The following UCP3 variants were observed in gnomAD, a reference collection of about 807,000 sequenced individuals.
The protein encoded by UCP3 is uncoupling protein 3.
UCP3 carries 24 observed loss-of-function variants against 28.1 expected under a neutral mutation model. That is an observed-to-expected ratio of 0.85 (90% CI 0.62 to 1.20). The LOEUF (loss-of-function observed/expected upper bound fraction) is 1.20. UCP3 is among the 50% of genes most tolerant of loss of function. The pLI, the probability that UCP3 is intolerant of heterozygous loss-of-function variation, is 0.00. For synonymous variants in UCP3, 184 were observed against 171.2 expected (o/e 1.07, Z -0.59); for missense variants, 397 against 422.2 (o/e 0.94, Z 0.52).
intron 4 of UCP3, 46 bp downstream of exon 4, chr11:74,005,684 G>C (rs1268979807): frequency 6.2e-7 from 1 of 1,608,416 alleles, no homozygotes; most frequent in Non-Finnish European, 8.5e-7. Flanking sequence ...CCTGAGGGGA[G>C]GGAAAGCTCT....
intron 1 of UCP3, 135 bp from the exon 2 acceptor site, chr11:74,007,272 T>C: frequency 1.7e-6 from 1 of 574,256 alleles, no homozygotes; most frequent in Non-Finnish European, 3.1e-6. Flanking sequence ...GAATTTGGCC[T>C]ATAAAAACAG....
rs2135388732 is a variant in UCP3 at position 74,005,863 on chromosome 11, G to A, written c.408C>T (p.Pro136=). 6.2e-7 allele frequency: 1 copy of A among 1,614,196 alleles called. No individual in the cohort carries two copies. Among genetic ancestry groups the A allele is most frequent in the South Asian group, 1.1e-5 (1 of 91,084 alleles). The part of the protein sequence containing the change: ...TGAMAVTCAQ[P]TDVVKVRFQA... The stretch of plus-strand genomic sequence containing the variant: ...GAAATCGGACCTTCACCACATCTGT[G>A]GGCTGGGCACAGGTCACCGCCATGG... The change falls in exon 4 of 7, where the codon CCC becomes CCT. Residue 136 remains proline, a synonymous_variant. Coordinates refer to ENST00000314032, the MANE Select transcript of UCP3 (RefSeq NM_003356.4).
intron 6 of UCP3, chr11:74,003,363 C>T (rs1951634792): frequency 2.6e-6 from 2 of 758,690 alleles, no homozygotes; most frequent in Non-Finnish European, 3.2e-6. Context: ...AAAATTTACA[C>T]CTGAGAGTGT....
At chr11:74,006,450 G>C (rs986800783) in intron 2 of UCP3, 71 bp from the exon 3 acceptor site, 3 of 1,423,006 alleles carry the variant, frequency 2.1e-6, no homozygotes, top group African/African-American at 2.8e-5. Flanking sequence ...CAGGAACCCT[G>C]CTGGGGCTGG....
chr11:74,001,801 T>G (rs1272008793), intron 6 of UCP3: 5 of 414,228 alleles, frequency 1.2e-5, no homozygotes, highest in Non-Finnish European at 8.9e-6. Flanking sequence ...GCAGCCATGT[T>G]GCTGCCAGGC....
chr11:74,006,173 C>T lies in UCP3; in HGVS notation c.333G>A (p.Ala111=), dbSNP rs772570438. The part of the protein sequence containing the change: ...SVKQVYTPKG[A]DNSSLTTRIL... ...TTCAGGGACCTGGTCACTCACTGTC[C>T]GCGCCTTTGGGGGTGTACACCTGCT... The change falls in exon 3 of 7, where the codon GCG becomes GCA. Residue 111 remains alanine (A), a synonymous_variant. Coordinates refer to ENST00000314032, the MANE Select transcript of UCP3 (RefSeq NM_003356.4). The T allele has an allele frequency of 1.1e-5, 17 of 1,613,992 alleles. No homozygotes were observed. Among genetic ancestry groups the T allele is most frequent in the Admixed American group, 6.7e-5 (4 of 59,990 alleles).
intron 6 of UCP3, 191 bp from the exon 7 acceptor site, chr11:74,001,717 A>G: frequency 1.7e-6 from 1 of 581,466 alleles, no homozygotes; most frequent in South Asian, 2.0e-5. Context: ...AAGTCGGAGT[A>G]AGGAAAAGAA....
intron 5 of UCP3, 101 bp downstream of exon 5, chr11:74,004,383 C>G (rs1047367371): frequency 9.2e-7 from 1 of 1,084,774 alleles, no homozygotes; most frequent in Non-Finnish European, 1.4e-6. Context: ...TCTCTCTGCT[C>G]CTTCTAAAAC....
rs550398137 is a variant in UCP3, at chr11:74,006,003, G to A, written c.338-70C>T. 2,154 of 1,584,620 alleles carry A rather than the reference G, an allele frequency of 1.4e-3. 4 individuals are homozygous for A. The highest frequency in any genetic ancestry group is 1.7e-3 in the Non-Finnish European group (1,930 of 1,163,562). ...CATTCTGGGACATGCTGTTCTCTGC[G>A]GGGCTGCCCCTGCAGCTTCCTTGAT... is the stretch of plus-strand genomic sequence containing the variant. On this transcript the variant is annotated intron_variant, in intron 3 of 6. Transcript: ENST00000314032.
chr11:74,001,894 A>C, intron 6 of UCP3: 1 of 285,146 alleles, frequency 3.5e-6, no homozygotes, highest in Non-Finnish European at 6.8e-6. Context: ...TGCGGTTCTA[A>C]CTCCACCCTG....
chr11:74,003,863 A>G lies in UCP3; in HGVS notation c.788T>C (p.Met263Thr). Residue 263 changes from methionine (M) to threonine (T), a missense_variant, in exon 6 of 7, where the codon ATG becomes ACG. By Grantham distance (81) the Met-to-Thr change is moderately conservative (BLOSUM62 -1). Transcript: ENST00000314032. The part of the protein sequence containing the change: ...YFSPLDCMIK[M>T]VAQEGPTAFY... ...GGCTGTGGGGCCCTCCTGGGCCACC[A>G]TCTTTATCATACAGTCGAGGGGGCT... 1 of 1,613,342 alleles carries G rather than the reference A, an allele frequency of 6.2e-7. No homozygotes were observed. The highest frequency in any genetic ancestry group is 8.5e-7 in the Non-Finnish European group (1 of 1,179,466).
rs117163429 is a variant in UCP3, at chr11:74,008,217, C to T, written c.-96+761G>A. Reference sequence around the variant, plus strand: ...CACGTTTGTCTGACATCTGAAGCTGCGCCTGTTTCACTGCCCAGAGAGTCT... The same window carrying T: ...CACGTTTGTCTGACATCTGAAGCTGTGCCTGTTTCACTGCCCAGAGAGTCT... On this transcript the variant is annotated intron_variant, in intron 1 of 6. Coordinates refer to ENST00000314032, the MANE Select transcript of UCP3 (RefSeq NM_003356.4). Among the ~76,000 whole-genome samples the T allele has an allele frequency of 7.3e-3, 1,105 of 152,276 alleles. 6 individuals are homozygous for T. Among genetic ancestry groups the T allele is most frequent in the Non-Finnish European group, 8.7e-3 (591 of 68,024 alleles).
In UCP3 at chr11:74,006,335, C is replaced by G; in HGVS notation, c.171G>C (p.Gln57His). ...GGATGGTGCCCAGCACGCCACGGTA[C>G]TGCACGAGCCGGGCCGTCTGGACCG... ...NQAVQTARLV[Q>H]YRGVLGTILT... The change falls in exon 3 of 7, where the codon CAG becomes CAC. Residue 57 changes from glutamine to histidine, a missense_variant. Physicochemically the swap from Gln to His is conservative, Grantham distance 24. Coordinates refer to ENST00000314032, the MANE Select transcript of UCP3 (RefSeq NM_003356.4). 1 of 1,595,370 alleles carries G rather than the reference C, an allele frequency of 6.3e-7. No individual in the cohort carries two copies. Among genetic ancestry groups the G allele is most frequent in the Non-Finnish European group, 8.5e-7 (1 of 1,172,230 alleles).
chr11:74,006,227 G>C lies in UCP3; in HGVS notation c.279C>G (p.Ser93=). The C allele has an allele frequency of 6.2e-7, 1 of 1,614,150 alleles. No individual in the cohort carries two copies. Among genetic ancestry groups the C allele is most frequent in the Non-Finnish European group, 8.5e-7 (1 of 1,180,048 alleles). ...CGGAGTCATAGAGGCCGATGCGGAT[G>C]GAGGCGAAGCTCATCTGGCGCTGCA... ...AGLQRQMSFA[S]IRIGLYDSVK... Residue 93 remains serine (S), a synonymous_variant, in exon 3 of 7, where the codon TCC becomes TCG. Transcript: ENST00000314032.
chr11:74,004,235 A>G (rs948356197), intron 5 of UCP3, among the ~76,000 whole-genome samples: 24 of 152,196 alleles, frequency 1.6e-4, no homozygotes, highest in African/African-American at 4.3e-4. Flanking sequence ...AAGTCGGAGA[A>G]GGTGAGAGAC....
chr11:74,001,704 C>T (rs1951623193), intron 6 of UCP3, 178 bp from the exon 7 acceptor site: 4 of 623,086 alleles, frequency 6.4e-6, no homozygotes, highest in South Asian at 5.7e-5. Flanking sequence ...GGGATTTAGG[C>T]AGAAGTCGGA....
rs1951620148 is a variant in UCP3 at position 74,001,362 on chromosome 11, T to C, written c.*50A>G. 2 of 1,579,396 alleles carry C rather than the reference T, an allele frequency of 1.3e-6. No homozygotes were observed. The highest frequency in any genetic ancestry group is 1.7e-6 in the Non-Finnish European group (2 of 1,149,016). On this transcript the variant is annotated 3_prime_UTR_variant, in exon 7 of 7. Coordinates refer to ENST00000314032, the MANE Select transcript of UCP3 (RefSeq NM_003356.4). ...TGCGTGGATGCACCGTTTTCTTCCA[T>C]TCTTAACTGGTTTCGGACACGTTAG...
chr11:74,005,800 T>A lies in UCP3; in HGVS notation c.471A>T (p.Arg157Ser). The A allele has an allele frequency of 6.2e-7, 1 of 1,614,224 alleles. No homozygotes were observed. Among genetic ancestry groups the A allele is most frequent in the Non-Finnish European group, 8.5e-7 (1 of 1,180,036 alleles). ...SIHLGPSRSD[R>S]KYSGTMDAYR... is the part of the protein sequence containing the mutation. Reference sequence around the variant, plus strand: ...AGGCGTCCATAGTCCCGCTGTATTTTCTGTCGCTCCTGGATGGCCCGAGGT... The same window carrying A: ...AGGCGTCCATAGTCCCGCTGTATTTACTGTCGCTCCTGGATGGCCCGAGGT... Residue 157 changes from arginine to serine, a missense_variant, in exon 4 of 7, where the codon AGA (arginine) becomes AGT (serine). Coordinates refer to ENST00000314032, the MANE Select transcript of UCP3 (RefSeq NM_003356.4).
At chr11:74,007,422 A>ATATCAAACTGCCTCC (rs1951675560) in intron 1 of UCP3, 1 of 200,772 alleles carries the variant, frequency 5.0e-6, no homozygotes, top group South Asian at 9.5e-5. Context: ...GTTCTCCCCA[A>ATATCAAACTGCCTCC]TATCAAACTG....
Sources: gnomAD v4.1 joint callset for allele counts (sites outside exome capture counted in the v4.1 genomes callset) on GRCh38, gnomAD v4.1.1 for gene constraint, MANE v1.5 for transcripts, NCBI Gene and HGNC (gene_info 2026-07-23, HGNC 2026-07-21) for gene names.